The following SLC30A9 variants were observed in gnomAD, a reference collection of about 807,000 sequenced individuals.
SLC30A9 encodes solute carrier family 30 member 9.
SLC30A9 carries 58 observed loss-of-function variants against 87.5 expected under a neutral mutation model. That is an observed-to-expected ratio of 0.66 (90% CI 0.54 to 0.82). The LOEUF (loss-of-function observed/expected upper bound fraction) is 0.82, where lower values mean the gene tolerates loss of function less well. Ranked by LOEUF, SLC30A9 falls within the 40% of genes least tolerant of loss-of-function variation. The pLI is 0.00. For missense variants in SLC30A9, 557 were observed against 679.1 expected (o/e 0.82, Z 2.00); for synonymous variants, 234 against 233.0 (o/e 1.00, Z -0.04).
chr4:42,054,183 G>T (rs918460297), intron 9 of SLC30A9, among the ~76,000 whole-genome samples: 3 of 151,904 alleles, frequency 2.0e-5, no homozygotes, highest in Admixed American at 2.0e-4. Flanking sequence ...GGTGAAACCC[G>T]CATCTCTACT....
At position 42,018,118 on chromosome 4, in the gene SLC30A9, T is replaced by G. The variant is rs2153135012; in HGVS notation, c.282T>G (p.Gly94=). The G allele has an allele frequency of 1.3e-6, 2 of 1,539,040 alleles. No homozygotes were observed. The highest frequency in any genetic ancestry group is 4.5e-5 in the East Asian group (2 of 44,224). Residue 94 remains glycine (G), a synonymous_variant, in exon 3 of 18, where the codon GGT becomes GGG. Coordinates refer to ENST00000264451, the MANE Select transcript of SLC30A9 (RefSeq NM_006345.4). ...TTTTAATAAACTTTACAGCAGAAGG[T>G]ATAGGCACAGAACTCAAAGCTCCAC... ...EKVPSFETAE[G]IGTELKAPLK... is the part of the protein sequence containing the mutation.
chr4:42,058,250 G>C (rs554043162), intron 9 of SLC30A9, among the ~76,000 whole-genome samples: 1 of 152,208 alleles, frequency 6.6e-6, no homozygotes, highest in Non-Finnish European at 1.5e-5. Flanking sequence ...GGGGCAAAAT[G>C]CTACCAGTCT....
chr4:41,997,779 T>C (rs1714785739), intron 1 of SLC30A9, among the ~76,000 whole-genome samples: 1 of 152,228 alleles, frequency 6.6e-6, no homozygotes. Flanking sequence ...TAATAACCTC[T>C]TTAAAAGGTT....
intron 15 of SLC30A9, among the ~76,000 whole-genome samples, chr4:42,073,666 T>C (rs1718406491): frequency 6.6e-6 from 1 of 152,316 alleles, no homozygotes; most frequent in Admixed American, 6.5e-5. Flanking sequence ...ACTCACATGA[T>C]TGTTCGCAAG....
intron 2 of SLC30A9, among the ~76,000 whole-genome samples, chr4:42,015,752 T>G (rs1715691066): frequency 6.6e-6 from 1 of 152,112 alleles, no homozygotes. Flanking sequence ...TAATCTCCTA[T>G]TTTCTCCTCA....
chr4:42,052,161 A>G (rs1181312000), intron 9 of SLC30A9, among the ~76,000 whole-genome samples: 4 of 152,048 alleles, frequency 2.6e-5, no homozygotes, highest in Non-Finnish European at 2.9e-5. Context: ...TAAATTCCAT[A>G]AGTAGTATCA....
chr4:42,007,372 T>C (rs1371963951), intron 2 of SLC30A9, among the ~76,000 whole-genome samples: 1 of 152,168 alleles, frequency 6.6e-6, no homozygotes, highest in East Asian at 1.9e-4. Flanking sequence ...TATAGGTGCC[T>C]ATGGAAGGTC....
chr4:42,060,257 T>C lies in SLC30A9; in HGVS notation c.896+11T>C. 6.2e-7 allele frequency: 1 copy of C among 1,603,900 alleles called. No homozygotes were observed. The highest frequency in any genetic ancestry group is 8.5e-7 in the Non-Finnish European group (1 of 1,171,344). ...AGATCCTTCTCATCCGTAAGGACATTGCCTTATTTTGTTTTTGTTTGTTTT... is the reference window on the plus strand; with the variant it reads ...AGATCCTTCTCATCCGTAAGGACATCGCCTTATTTTGTTTTTGTTTGTTTT... On this transcript the variant is annotated intron_variant, in intron 10 of 17. Coordinates refer to ENST00000264451, the MANE Select transcript of SLC30A9 (RefSeq NM_006345.4).
Position 42,070,633 on chromosome 4 carries a change from A to G in SLC30A9, c.1360A>G (p.Ile454Val), listed in dbSNP as rs1414681304. The G allele has an allele frequency of 1.2e-6, 2 of 1,614,112 alleles. No homozygotes were observed. Among genetic ancestry groups the G allele is most frequent in the Admixed American group, 3.3e-5 (2 of 60,020 alleles). ...CACAGAAGCACTCTTAGGGCGGTCC[A>G]TCCAGCCAGAACAAGTACAACGGCT... Reference protein sequence around the residue: ...TNTEALLGRSIQPEQVQRLTE... With the variant: ...TNTEALLGRSVQPEQVQRLTE... Residue 454 changes from isoleucine (I) to valine (V), a missense_variant, in exon 15 of 18, where the codon ATC (isoleucine) becomes GTC (valine). By Grantham distance (29) the Ile-to-Val change is conservative. Around this residue, in one of 2 missense-constraint regions of SLC30A9, gnomAD observed 90 missense variants for 149.4 expected, o/e 0.60. Transcript: ENST00000264451.
chr4:42,080,941 T>C (rs1718722844), intron 17 of SLC30A9, among the ~76,000 whole-genome samples: 1 of 152,238 alleles, frequency 6.6e-6, no homozygotes, highest in African/African-American at 2.4e-5. Context: ...TTTCTAAATA[T>C]GGGTACACTC....
intron 6 of SLC30A9, chr4:42,029,433 C>A: frequency 1.6e-6 from 1 of 643,200 alleles, no homozygotes; most frequent in South Asian, 1.5e-5. Flanking sequence ...TATCAGGACC[C>A]CCACCAGGAT....
intron 6 of SLC30A9, chr4:42,029,441 G>A: frequency 1.6e-6 from 1 of 644,836 alleles, no homozygotes; most frequent in Non-Finnish European, 2.9e-6. Context: ...CCCCCACCAG[G>A]ATTAACACAG....
intron 1 of SLC30A9, among the ~76,000 whole-genome samples, chr4:41,992,559 C>T (rs1714498341): frequency 6.6e-6 from 1 of 152,116 alleles, no homozygotes; most frequent in Admixed American, 6.5e-5. Context: ...TTCTGTGTAG[C>T]TGTCATTATG....
Position 42,060,182 on chromosome 4 carries a change from T to A in SLC30A9, c.841-9T>A, listed in dbSNP as rs774744920. 1 of 1,608,222 alleles carries A rather than the reference T, an allele frequency of 6.2e-7. No homozygotes were observed. Among genetic ancestry groups the A allele is most frequent in the Non-Finnish European group, 8.5e-7 (1 of 1,175,416 alleles). ...ATGATTATTCACCTTTTTTTCTTCT[T>A]CTTCATAGGGTTTACTAGCATTGGG... On this transcript the variant is annotated splice_polypyrimidine_tract_variant and intron_variant, in intron 9 of 17. Transcript: ENST00000264451.
At chr4:42,001,427 A>G (rs182027084) in intron 1 of SLC30A9, among the ~76,000 whole-genome samples, 189 bp from the exon 2 acceptor site, 9 of 152,124 alleles carry the variant, frequency 5.9e-5, no homozygotes, top group Admixed American at 4.6e-4. Context: ...GATTTTTTAT[A>G]TTTTTAAAAA....
At chr4:42,041,764 G>A (rs756989566) in intron 8 of SLC30A9, among the ~76,000 whole-genome samples, 14 of 152,126 alleles carry the variant, frequency 9.2e-5, no homozygotes, top group South Asian at 4.1e-4. Flanking sequence ...AGGGGGTGGC[G>A]GGCAAGATGG....
chr4:42,064,288 A>T (rs1193321636), intron 11 of SLC30A9, among the ~76,000 whole-genome samples: 1 of 152,150 alleles, frequency 6.6e-6, no homozygotes, highest in Non-Finnish European at 1.5e-5. Context: ...CTTCTGTGCA[A>T]GGCCTGAATA....
Position 42,041,353 on chromosome 4 carries a change from C to G in SLC30A9, c.737+2300C>G, listed in dbSNP as rs148456865. 4.1e-4 allele frequency among the ~76,000 whole-genome samples: 62 copies of G among 152,150 alleles called. 1 individual carries two copies. Among genetic ancestry groups the G allele is most frequent in the African/African-American group, 1.2e-3 (49 of 41,514 alleles). On this transcript the variant is annotated intron_variant, in intron 8 of 17. Coordinates refer to ENST00000264451, the MANE Select transcript of SLC30A9 (RefSeq NM_006345.4). ...AGGCTGGAGTGCAGTGGTGCAATCT[C>G]GGCTCACTGCAACCTCCGCCTCCCA... is the stretch of plus-strand genomic sequence containing the variant.
chr4:42,061,768 C>T (rs942655292), intron 10 of SLC30A9, among the ~76,000 whole-genome samples: 7 of 151,520 alleles, frequency 4.6e-5, no homozygotes, highest in African/African-American at 9.7e-5. Flanking sequence ...GGTGTGGTGG[C>T]GCATGCCTGT....
Sources: allele counts gnomAD v4.1 joint callset (sites outside exome capture counted in the v4.1 genomes callset), GRCh38; gene constraint gnomAD v4.1.1; regional missense constraint gnomAD v4.1.1; transcripts MANE v1.5; gene names NCBI Gene and HGNC (gene_info 2026-07-23, HGNC 2026-07-21).